GRID2: variants seen among roughly 807,000 people sequenced by gnomAD.
The protein encoded by GRID2 is glutamate ionotropic receptor delta type subunit 2.
GRID2 carries 33 observed loss-of-function variants against 114.8 expected under a neutral mutation model. The observed-to-expected ratio is 0.29, with a 90% confidence interval of 0.22 to 0.38. GRID2 has a LOEUF of 0.38. GRID2 is among the 10% of genes least tolerant of loss of function. GRID2 has a pLI of 1.00. For missense variants in GRID2, 1,184 were observed against 1,257.7 expected (o/e 0.94, Z 0.89); for synonymous variants, 505 against 449.9 (o/e 1.12, Z -1.55).
intron 2 of GRID2, among the ~76,000 whole-genome samples, chr4:93,068,868 T>G (rs1235908490): frequency 1.3e-5 from 2 of 151,948 alleles, no homozygotes; most frequent in Non-Finnish European, 2.9e-5. Context: ...GAAAAGGGAT[T>G]TAATTGGCTC....
At chr4:93,300,513 C>A (rs563176748) in intron 8 of GRID2, among the ~76,000 whole-genome samples, 2 of 152,140 alleles carry the variant, frequency 1.3e-5, no homozygotes, top group African/African-American at 2.4e-5. Flanking sequence ...AGGTACAGCA[C>A]TTTTACCCAT....
chr4:93,479,994 AT>A (rs1435072641), intron 11 of GRID2, among the ~76,000 whole-genome samples: 5 of 152,152 alleles, frequency 3.3e-5, no homozygotes, highest in Admixed American at 2.6e-4. Context: ...TGTATAAGAT[AT>A]AAAAAACTAA....
intron 14 of GRID2, among the ~76,000 whole-genome samples, chr4:93,638,366 G>T: frequency 2.0e-5 from 1 of 49,726 alleles, no homozygotes; most frequent in Non-Finnish European, 4.3e-5. Context: ...GTGCAGGTTA[G>T]TTACATATGT....
At chr4:93,549,521 T>C (rs1329658869) in intron 13 of GRID2, among the ~76,000 whole-genome samples, 1 of 152,210 alleles carries the variant, frequency 6.6e-6, no homozygotes, top group Non-Finnish European at 1.5e-5. Flanking sequence ...ATACTTCATA[T>C]ACAAAAGTAA....
At chr4:92,674,188 C>A (rs74850226) in intron 2 of GRID2, among the ~76,000 whole-genome samples, 9,257 of 152,080 alleles carry the variant, frequency 0.061, 336 homozygotes, top group East Asian at 0.16. Flanking sequence ...TAAGTAAAAA[C>A]AAAAATTTAG....
At chr4:92,688,278 G>C (rs868795726) in intron 2 of GRID2, among the ~76,000 whole-genome samples, 2 of 151,460 alleles carry the variant, frequency 1.3e-5, no homozygotes, top group Non-Finnish European at 2.9e-5. Context: ...TCGAACTCCC[G>C]ACCTCAGGTG....
chr4:93,170,015 A>G (rs1364547704), intron 4 of GRID2, among the ~76,000 whole-genome samples: 1 of 152,196 alleles, frequency 6.6e-6, no homozygotes, highest in Non-Finnish European at 1.5e-5. Flanking sequence ...TATTTTCATC[A>G]TGCCTTGTAT....
intron 1 of GRID2, among the ~76,000 whole-genome samples, chr4:92,507,451 G>A (rs1478714367): frequency 6.6e-6 from 1 of 151,446 alleles, no homozygotes; most frequent in Admixed American, 6.6e-5. Context: ...TTGTGTGTAT[G>A]AAGGGCATCA....
chr4:92,947,333 G>T (rs1413870287), intron 2 of GRID2, among the ~76,000 whole-genome samples: 1 of 151,964 alleles, frequency 6.6e-6, no homozygotes, highest in Non-Finnish European at 1.5e-5. Context: ...TAATATGAAA[G>T]AAATATTTAT....
rs746686045 is a variant in GRID2, at chr4:93,207,489, G to A, written c.789+32G>A. ...CCAACTAAACCTTATTGTTAACTCTGTGTCCTTTTTTCACATATATAATTG... is the reference window on the plus strand; with the variant it reads ...CCAACTAAACCTTATTGTTAACTCTATGTCCTTTTTTCACATATATAATTG... On this transcript the variant is annotated intron_variant, in intron 5 of 15. Transcript: ENST00000282020. 9 of 1,374,778 alleles carry A rather than the reference G, an allele frequency of 6.5e-6. No individual in the cohort carries two copies. In the South Asian group the frequency reaches 1.1e-4, roughly 17 times the overall value. 85.2% of individuals were successfully genotyped at this position (1,374,778 alleles called of 1,614,324 possible).
At chr4:92,697,213 G>A (rs1444973461) in intron 2 of GRID2, among the ~76,000 whole-genome samples, 1 of 152,106 alleles carries the variant, frequency 6.6e-6, no homozygotes, top group African/African-American at 2.4e-5. Context: ...AAGAGTAAAT[G>A]TCTTGTTGTC....
At chr4:92,845,066 G>A (rs1335461560) in intron 2 of GRID2, among the ~76,000 whole-genome samples, 1 of 151,992 alleles carries the variant, frequency 6.6e-6, no homozygotes, top group Non-Finnish European at 1.5e-5. Flanking sequence ...GTACAAATGT[G>A]CGGACAAGGA....
intron 1 of GRID2, among the ~76,000 whole-genome samples, chr4:92,384,555 TTATATATAA>T (rs1729807612): frequency 2.0e-5 from 1 of 50,216 alleles, no homozygotes; most frequent in Admixed American, 4.6e-4. Context: ...ATAATATATA[TTATATATAA>T]TATAATATAT....
At chr4:92,673,352 T>C (rs1206210378) in intron 2 of GRID2, among the ~76,000 whole-genome samples, 2 of 152,222 alleles carry the variant, frequency 1.3e-5, no homozygotes, top group African/African-American at 4.8e-5. Context: ...ATCCACTTCA[T>C]TTCTACATAC....
chr4:93,101,194 T>C (rs1350167728), intron 3 of GRID2, among the ~76,000 whole-genome samples: 1 of 152,102 alleles, frequency 6.6e-6, no homozygotes, highest in East Asian at 1.9e-4. Flanking sequence ...GTACATATGA[T>C]AATTTGATAA....
chr4:93,285,348 T>G (rs558957402), intron 8 of GRID2, among the ~76,000 whole-genome samples: 1 of 152,216 alleles, frequency 6.6e-6, no homozygotes, highest in Non-Finnish European at 1.5e-5. Flanking sequence ...TAGGTACTTC[T>G]TGTTATTTTA....
chr4:93,648,336 G>A (rs1176604743), intron 14 of GRID2, among the ~76,000 whole-genome samples: 1 of 152,046 alleles, frequency 6.6e-6, no homozygotes, highest in Admixed American at 6.6e-5. Flanking sequence ...GAAAAATCAA[G>A]AGAAACTATG....
chr4:92,315,994 A>C (rs1725951430), intron 1 of GRID2, among the ~76,000 whole-genome samples: 1 of 88,690 alleles, frequency 1.1e-5, no homozygotes, highest in Non-Finnish European at 2.0e-5. Flanking sequence ...AACAAAAAGC[A>C]AAAAAAAAAA....
chr4:92,891,061 G>A lies in GRID2; in HGVS notation c.245-193934G>A, dbSNP rs561207930. ...TCTCACTCATAAGTGGAAGTTGAACGATAAGAACACATGGACACAGGGAGG... is the reference window on the plus strand; with the variant it reads ...TCTCACTCATAAGTGGAAGTTGAACAATAAGAACACATGGACACAGGGAGG... On this transcript the variant is annotated intron_variant, in intron 2 of 15. Coordinates refer to ENST00000282020, the MANE Select transcript of GRID2 (RefSeq NM_001510.4). 5.3e-5 allele frequency among the ~76,000 whole-genome samples: 8 copies of A among 152,092 alleles called. No individual in the cohort carries two copies. In the South Asian group the frequency reaches 1.5e-3, roughly 28 times the overall value.
Sources: gnomAD v4.1 joint callset for allele counts (sites outside exome capture counted in the v4.1 genomes callset) on GRCh38, gnomAD v4.1.1 for gene constraint, MANE v1.5 for transcripts, NCBI Gene and HGNC (gene_info 2026-07-23, HGNC 2026-07-21) for gene names.